Variants in FGGY observed in about 807,000 individuals in gnomAD.
The protein encoded by FGGY is FGGY carbohydrate kinase domain-containing protein.
In FGGY, 72 loss-of-function variants were observed where a neutral mutation model predicts 71.3. The ratio of observed to expected loss-of-function variants is 1.01; its 90% CI spans 0.84 to 1.23. FGGY has a LOEUF of 1.23. Ranked by LOEUF, FGGY falls within the 50% of genes most tolerant of loss-of-function variation. The pLI is 0.00. For synonymous variants in FGGY, 251 were observed against 250.3 expected (o/e 1.00, Z -0.02); for missense variants, 668 against 682.3 (o/e 0.98, Z 0.23).
intron 8 of FGGY, among the ~76,000 whole-genome samples, chr1:59,586,639 CT>C (rs1469267979): frequency 6.6e-6 from 1 of 151,950 alleles, no homozygotes; most frequent in African/African-American, 2.4e-5. Flanking sequence ...CACATGTACC[CT>C]AAAACTTAAA....
chr1:59,412,716 T>A (rs1338109129), intron 5 of FGGY, among the ~76,000 whole-genome samples: 1 of 152,186 alleles, frequency 6.6e-6, no homozygotes, highest in Non-Finnish European at 1.5e-5. Flanking sequence ...TAGACAAAAA[T>A]CTTGATCTTA....
chr1:59,717,396 A>G (rs142493490), intron 14 of FGGY, among the ~76,000 whole-genome samples: 193 of 152,270 alleles, frequency 1.3e-3, no homozygotes, highest in African/African-American at 4.4e-3. Flanking sequence ...GACCACTCTG[A>G]TACTGCCCAC....
At chr1:59,557,295 C>T (rs1313822573) in intron 8 of FGGY, among the ~76,000 whole-genome samples, 1 of 152,156 alleles carries the variant, frequency 6.6e-6, no homozygotes, top group African/African-American at 2.4e-5. Context: ...GAAGGATCCT[C>T]TTTCTTCCTG....
chr1:59,335,388 C>T (rs2049285272), intron 2 of FGGY, among the ~76,000 whole-genome samples: 1 of 152,064 alleles, frequency 6.6e-6, no homozygotes, highest in South Asian at 2.1e-4. Context: ...ATCAGTAGTT[C>T]CTTTTTCTTG....
At chr1:59,368,582 G>A (rs1218425430) in intron 4 of FGGY, among the ~76,000 whole-genome samples, 1 of 152,210 alleles carries the variant, frequency 6.6e-6, no homozygotes, top group East Asian at 1.9e-4. Flanking sequence ...CTTAGAGGAC[G>A]ATCACTGTGT....
At chr1:59,408,031 C>T (rs184566878) in intron 5 of FGGY, among the ~76,000 whole-genome samples, 1 of 152,288 alleles carries the variant, frequency 6.6e-6, no homozygotes, top group Admixed American at 6.5e-5. Flanking sequence ...TTTCTTTGTT[C>T]TCATAAGTAA....
chr1:59,462,599 G>A (rs955683363), intron 6 of FGGY, among the ~76,000 whole-genome samples: 1 of 152,080 alleles, frequency 6.6e-6, no homozygotes, highest in Non-Finnish European at 1.5e-5. Context: ...GTGAACTCAA[G>A]CAAATTTACA....
intron 2 of FGGY, among the ~76,000 whole-genome samples, chr1:59,324,388 T>C (rs2046981072): frequency 1.4e-5 from 2 of 142,346 alleles, no homozygotes; most frequent in Non-Finnish European, 1.5e-5. Context: ...GCCATTCTCC[T>C]GCCTCAGCCT....
chr1:59,305,472 G>GA (rs1232082165), intron 1 of FGGY, among the ~76,000 whole-genome samples: 1 of 152,096 alleles, frequency 6.6e-6, no homozygotes, highest in Non-Finnish European at 1.5e-5. Flanking sequence ...TTTTATTGGG[G>GA]ATTTTTGCAT....
At chr1:59,296,429 T>C (rs1364762392), upstream of FGGY, among the ~76,000 whole-genome samples, 1 of 152,270 alleles carries the variant, frequency 6.6e-6, no homozygotes, top group Non-Finnish European at 1.5e-5. Context: ...CATCAGGGGC[T>C]GCGGAGAGTC....
chr1:59,414,255 G>T (rs929130564), intron 5 of FGGY, among the ~76,000 whole-genome samples: 4 of 152,320 alleles, frequency 2.6e-5, no homozygotes, highest in African/African-American at 9.6e-5. Context: ...GGCAAGGAAA[G>T]GTTGATTTGT....
chr1:59,469,713 G>A (rs576144952), intron 6 of FGGY, among the ~76,000 whole-genome samples: 6 of 152,068 alleles, frequency 3.9e-5, no homozygotes, highest in South Asian at 2.1e-4. Context: ...CCTAGTACCC[G>A]TTATTTTTCC....
At chr1:59,375,182 C>T (rs983290240) in intron 4 of FGGY, among the ~76,000 whole-genome samples, 1 of 150,626 alleles carries the variant, frequency 6.6e-6, no homozygotes, top group African/African-American at 2.4e-5. Context: ...ATCTCTTGAA[C>T]CCGGGGTGCA....
intron 5 of FGGY, among the ~76,000 whole-genome samples, chr1:59,393,455 G>A (rs1456561114): frequency 4.6e-5 from 7 of 152,198 alleles, no homozygotes; most frequent in African/African-American, 9.7e-5. Context: ...AAGGCTGCCC[G>A]ATAAGCAAGC....
intron 7 of FGGY, among the ~76,000 whole-genome samples, chr1:59,552,078 A>C (rs1025234194): frequency 2.6e-5 from 4 of 152,158 alleles, no homozygotes; most frequent in African/African-American, 9.7e-5. Context: ...TACCATCCCC[A>C]GGCTGGAGGG....
At chr1:59,467,141 CAGAT>C (rs1277179632) in intron 6 of FGGY, among the ~76,000 whole-genome samples, 1 of 152,110 alleles carries the variant, frequency 6.6e-6, no homozygotes, top group Non-Finnish European at 1.5e-5. Flanking sequence ...GAAAATGTAA[CAGAT>C]AGACACCATG....
At chr1:59,526,753 G>A (rs1330219036) in intron 7 of FGGY, among the ~76,000 whole-genome samples, 9 of 152,230 alleles carry the variant, frequency 5.9e-5, no homozygotes, top group African/African-American at 2.2e-4. Flanking sequence ...TGCGAGAGGG[G>A]CAGCGAGAGG....
At chr1:59,317,634 A>C (rs1254559706) in intron 1 of FGGY, among the ~76,000 whole-genome samples, 1 of 152,194 alleles carries the variant, frequency 6.6e-6, no homozygotes, top group Non-Finnish European at 1.5e-5. Flanking sequence ...ATGATGCAGA[A>C]AGTCCTTTGC....
chr1:59,516,786 T>C (rs924900323), intron 7 of FGGY, among the ~76,000 whole-genome samples: 3 of 152,160 alleles, frequency 2.0e-5, no homozygotes, highest in African/African-American at 7.2e-5. Context: ...ACAACTGTAG[T>C]CACTTCAAAT....
Sources: gnomAD v4.1 joint callset for allele counts (sites outside exome capture counted in the v4.1 genomes callset) on GRCh38, gnomAD v4.1.1 for gene constraint, MANE v1.5 for transcripts, NCBI Gene and HGNC (gene_info 2026-07-23, HGNC 2026-07-21) for gene names.